SLIT3: variants seen among roughly 807,000 people sequenced by gnomAD.
SLIT3 encodes slit guidance ligand 3, also known as slit homolog 3 protein.
Under a neutral mutation model 184.0 loss-of-function variants are expected in SLIT3, and 68 were observed. The ratio of observed to expected loss-of-function variants is 0.37; its 90% confidence interval spans 0.30 to 0.45. SLIT3 has a LOEUF of 0.45. Ranked by LOEUF, SLIT3 falls within the 20% of genes least tolerant of loss-of-function variation. SLIT3 has a pLI of 1.00. For synonymous variants in SLIT3, 831 were observed against 828.6 expected, an observed-to-expected ratio of 1.00 and a Z score of -0.05; for missense variants, 1,707 against 2,026.0, an observed-to-expected ratio of 0.84 and a Z score of 3.02.
chr5:169,098,319 A>G (rs980613448), intron 4 of SLIT3, among the ~76,000 whole-genome samples: 5 of 152,180 alleles, frequency 3.3e-5, no homozygotes, highest in African/African-American at 4.8e-5. Flanking sequence ...GTGTATACAC[A>G]CAGTATACAT....
At chr5:168,801,559 C>T (rs911239728) in intron 9 of SLIT3, among the ~76,000 whole-genome samples, 6 of 152,112 alleles carry the variant, frequency 3.9e-5, no homozygotes, top group African/African-American at 1.4e-4. Context: ...CGGGATACCA[C>T]CATGGGGAGA....
At chr5:168,740,021 C>T (rs1484428056) in intron 20 of SLIT3, among the ~76,000 whole-genome samples, 5 of 152,294 alleles carry the variant, frequency 3.3e-5, no homozygotes, top group African/African-American at 1.2e-4. Flanking sequence ...AACATTTTCT[C>T]AGTGTTAGTA....
chr5:169,081,851 A>G (rs552959483), intron 4 of SLIT3, among the ~76,000 whole-genome samples: 16 of 152,312 alleles, frequency 1.1e-4, no homozygotes, highest in African/African-American at 3.8e-4. Context: ...CTTCACAGCA[A>G]CACTGAGACG....
chr5:169,266,829 TC>T (rs1766411956), intron 1 of SLIT3, among the ~76,000 whole-genome samples: 1 of 152,176 alleles, frequency 6.6e-6, no homozygotes, highest in Non-Finnish European at 1.5e-5. Context: ...TGTAAAATTT[TC>T]CTTCCTCATC....
At position 168,661,884 on chromosome 5, in the gene SLIT3, T is replaced by TA. The variant is rs1335788145; in HGVS notation, c.*4569dup. On this transcript the variant is annotated 3_prime_UTR_variant, in exon 36 of 36. Coordinates refer to ENST00000519560, the MANE Select transcript of SLIT3 (RefSeq NM_003062.4). ...GGGAAGTGCCACTATAACATTGTTT[T>TA]AAAAAATCTTCAAAAATTTCCTATT... 1 of 152,222 alleles carries TA rather than the reference T, an allele frequency of 6.6e-6. No individual in the cohort carries two copies. The highest frequency in any genetic ancestry group is 1.5e-5 in the Non-Finnish European group (1 of 68,046). The allele number at this position is 152,222 out of a possible 1,614,324, so 9.4% of individuals were successfully genotyped here.
chr5:168,994,713 TCAGCTCA>T (rs1755452964), intron 4 of SLIT3, among the ~76,000 whole-genome samples: 1 of 134,680 alleles, frequency 7.4e-6, no homozygotes, highest in Admixed American at 8.2e-5. Flanking sequence ...TGATGTGATC[TCAGCTCA>T]CTGCAACCTC....
chr5:169,050,087 G>A (rs1355194120), intron 4 of SLIT3, among the ~76,000 whole-genome samples: 1 of 152,162 alleles, frequency 6.6e-6, no homozygotes, highest in Non-Finnish European at 1.5e-5. Context: ...AGGAAGAGGG[G>A]TGCGTTTTCT....
At chr5:169,078,679 T>C (rs1561648323) in intron 4 of SLIT3, among the ~76,000 whole-genome samples, 2 of 152,152 alleles carry the variant, frequency 1.3e-5, no homozygotes, top group African/African-American at 2.4e-5. Context: ...CTAATGAAAA[T>C]AACTGTGCTA....
intron 4 of SLIT3, among the ~76,000 whole-genome samples, chr5:169,129,685 T>C (rs753618521): frequency 1.3e-5 from 2 of 152,060 alleles, no homozygotes; most frequent in African/African-American, 2.4e-5. Flanking sequence ...TGAGGAGACA[T>C]AACAACTGAA....
At chr5:168,712,260 T>A in intron 24 of SLIT3, 23 bp downstream of exon 24, 1 of 1,601,028 alleles carries the variant, frequency 6.2e-7, no homozygotes, top group East Asian at 2.2e-5. Flanking sequence ...GAATGTTCAT[T>A]GGGGAGAAAC....
At chr5:169,031,344 A>G (rs2113522671) in intron 4 of SLIT3, among the ~76,000 whole-genome samples, 1 of 152,300 alleles carries the variant, frequency 6.6e-6, no homozygotes, top group African/African-American at 2.4e-5. Context: ...GTAGAAAAAA[A>G]ATATGGAGGT....
At chr5:168,668,634 G>C (rs938045421) in intron 35 of SLIT3, among the ~76,000 whole-genome samples, 1 of 152,296 alleles carries the variant, frequency 6.6e-6, no homozygotes, top group Admixed American at 6.5e-5. Context: ...TCTGTCACCT[G>C]GGCTGGAGTG....
At chr5:169,025,260 A>G (rs1561615203) in intron 4 of SLIT3, among the ~76,000 whole-genome samples, 2 of 152,194 alleles carry the variant, frequency 1.3e-5, no homozygotes, top group African/African-American at 4.8e-5. Context: ...AAGGAAAGGG[A>G]TGAATTCAGA....
chr5:168,789,503 C>T, intron 11 of SLIT3, 57 bp downstream of exon 11: 1 of 1,368,106 alleles, frequency 7.3e-7, no homozygotes, highest in African/African-American at 1.4e-5. Flanking sequence ...TTGCGTCTCT[C>T]TTCCCTCCAG....
chr5:169,268,205 T>TTGC (rs146244957), intron 1 of SLIT3, among the ~76,000 whole-genome samples: 3,847 of 152,252 alleles, frequency 0.025, 139 homozygotes, highest in African/African-American at 0.086. Flanking sequence ...TTAAGGTCTG[T>TTGC]TGCGAAGGAG....
intron 3 of SLIT3, among the ~76,000 whole-genome samples, chr5:169,199,408 T>C (rs1041967235): frequency 6.6e-6 from 1 of 152,110 alleles, no homozygotes; most frequent in Admixed American, 6.5e-5. Flanking sequence ...TCAGTCAAAT[T>C]ACCAATCCCT....
intron 4 of SLIT3, among the ~76,000 whole-genome samples, chr5:169,051,137 T>C (rs893916869): frequency 6.6e-6 from 1 of 152,204 alleles, no homozygotes; most frequent in Admixed American, 6.5e-5. Flanking sequence ...AAGTAGACTT[T>C]GTGGGTCCTT....
chr5:168,909,822 C>T (rs548126237), intron 4 of SLIT3, among the ~76,000 whole-genome samples: 6 of 152,272 alleles, frequency 3.9e-5, no homozygotes, highest in East Asian at 1.9e-4. Flanking sequence ...TGAAGTTCAC[C>T]GTCCTTTGAG....
chr5:168,875,829 T>C (rs1434159237), intron 5 of SLIT3, among the ~76,000 whole-genome samples: 2 of 151,736 alleles, frequency 1.3e-5, no homozygotes, highest in African/African-American at 4.8e-5. Flanking sequence ...GGCAGGAAGG[T>C]AGACATGACC....
Sources: allele counts gnomAD v4.1 joint callset (sites outside exome capture counted in the v4.1 genomes callset), GRCh38; gene constraint gnomAD v4.1.1; transcripts MANE v1.5; gene names NCBI Gene and HGNC (gene_info 2026-07-23, HGNC 2026-07-21).